The following MTHFD1 variants were observed in gnomAD, a reference collection of about 807,000 sequenced individuals.
MTHFD1 encodes the protein methylenetetrahydrofolate dehydrogenase, cyclohydrolase and formyltetrahydrofolate synthetase 1.
MTHFD1 carries 44 observed loss-of-function variants against 110.3 expected under a neutral mutation model. The ratio of observed to expected loss-of-function variants is 0.40; its 90% CI spans 0.31 to 0.51. The LOEUF is 0.51. Among genes scored for constraint, MTHFD1 ranks in the 20% least tolerant of loss-of-function variants. The pLI is 0.60. For missense variants in MTHFD1, 909 were observed against 1,173.1 expected (o/e 0.77, Z 3.29); for synonymous variants, 402 against 428.8 (o/e 0.94, Z 0.77).
intron 7 of MTHFD1, among the ~76,000 whole-genome samples, chr14:64,418,902 T>G (rs897716315): frequency 6.6e-6 from 1 of 151,774 alleles, no homozygotes; most frequent in African/African-American, 2.4e-5. Context: ...TTATTTAGGC[T>G]AGAGTGCAGT....
intron 12 of MTHFD1, among the ~76,000 whole-genome samples, chr14:64,428,380 T>G (rs1407539610): frequency 6.6e-6 from 1 of 151,814 alleles, no homozygotes; most frequent in East Asian, 1.9e-4. Context: ...CCTTCCAAAC[T>G]GGTAGGACTA....
chr14:64,396,744 T>C (rs530801346), intron 1 of MTHFD1, among the ~76,000 whole-genome samples: 53 of 151,668 alleles, frequency 3.5e-4, no homozygotes, highest in Middle Eastern at 3.4e-3. Flanking sequence ...ACAAATGAAA[T>C]AAATCAACAA....
intron 2 of MTHFD1, among the ~76,000 whole-genome samples, chr14:64,407,124 A>C (rs2077941808): frequency 6.6e-6 from 1 of 152,218 alleles, no homozygotes; most frequent in African/African-American, 2.4e-5. Context: ...GTAACTTCCC[A>C]AATAACTGAA....
At position 64,427,422 on chromosome 14, in the gene MTHFD1, G is replaced by A. The variant is rs2078126648; in HGVS notation, c.1213G>A (p.Val405Ile). Residue 405 changes from valine (V) to isoleucine (I), a missense_variant, in exon 12 of 28, where the codon GTC becomes ATC. Coordinates refer to ENST00000652337, the MANE Select transcript of MTHFD1 (RefSeq NM_005956.4). ...QALGAHLYQN[V>I]FACVRQPSQG... ...CCTTGGTGCCCATCTCTACCAGAAT[G>A]TCTTTGCGTGTGTGCGACAGCCTTC... 6.2e-7 allele frequency: 1 copy of A among 1,614,098 alleles called. No individual in the cohort carries two copies. The highest frequency in any genetic ancestry group is 1.7e-5 in the Admixed American group (1 of 60,002).
intron 23 of MTHFD1, 156 bp downstream of exon 23, chr14:64,448,473 T>C (rs1260716291): frequency 4.4e-6 from 3 of 686,968 alleles, no homozygotes; most frequent in African/African-American, 3.5e-5. Context: ...CATACGTCAC[T>C]GCGGGCTCAC....
chr14:64,398,906 T>G (rs1163116899), intron 1 of MTHFD1, among the ~76,000 whole-genome samples: 4 of 152,232 alleles, frequency 2.6e-5, no homozygotes, highest in Non-Finnish European at 5.9e-5. Context: ...GACATCCTAG[T>G]GTATTGTTGA....
At chr14:64,414,892 T>C (rs2078013783) in intron 4 of MTHFD1, among the ~76,000 whole-genome samples, 1 of 152,090 alleles carries the variant, frequency 6.6e-6, no homozygotes, top group Non-Finnish European at 1.5e-5. Context: ...TTTCACTATG[T>C]TGGCCCAGCT....
chr14:64,431,542 A>G lies in MTHFD1; in HGVS notation c.1322A>G (p.His441Arg). Reference protein sequence around the residue: ...QVIPMEEFNLHLTGDIHAITA... With the variant: ...QVIPMEEFNLRLTGDIHAITA... ...TCTGTTCTTTTGTAGTTTAATCTCC[A>G]CCTCACAGGTGACATCCATGCCATC... Residue 441 changes from histidine (H) to arginine (R), a missense_variant, in exon 14 of 28, where the codon CAC (histidine) becomes CGC (arginine). His to Arg is a conservative substitution (Grantham distance 29). This residue lies in a region of MTHFD1 where 482 missense variants were observed against 646.0 expected (regional missense o/e 0.75). Transcript: ENST00000652337. The G allele has an allele frequency of 1.2e-6, 2 of 1,613,850 alleles. No individual in the cohort carries two copies. Among genetic ancestry groups the G allele is most frequent in the Non-Finnish European group, 1.7e-6 (2 of 1,179,816 alleles).
intron 6 of MTHFD1, 28 bp downstream of exon 6, chr14:64,415,767 A>G (rs762827473): frequency 6.2e-7 from 1 of 1,608,792 alleles, no homozygotes; most frequent in East Asian, 2.2e-5. Flanking sequence ...AACAACAAGA[A>G]AGCACCATTT....
intron 18 of MTHFD1, 33 bp from the exon 19 acceptor site, chr14:64,441,352 T>C (rs1292451331): frequency 1.2e-6 from 2 of 1,607,802 alleles, no homozygotes; most frequent in Admixed American, 3.3e-5. Flanking sequence ...TTTTTGCTGG[T>C]GGGAGTTGAT....
intron 24 of MTHFD1, among the ~76,000 whole-genome samples, chr14:64,452,410 C>T (rs1286852394): frequency 6.6e-6 from 1 of 152,214 alleles, no homozygotes; most frequent in Non-Finnish European, 1.5e-5. Context: ...AGCTTTGCTT[C>T]TGATTTCCTT....
At chr14:64,407,794 C>T (rs890500119) in intron 2 of MTHFD1, among the ~76,000 whole-genome samples, 29 of 152,006 alleles carry the variant, frequency 1.9e-4, no homozygotes, top group African/African-American at 6.8e-4. Flanking sequence ...GCAATCCACA[C>T]ACCTTGACCT....
chr14:64,449,745 G>T lies in MTHFD1; in HGVS notation c.2457+123G>T, dbSNP rs899481515. ...TTCAGCCTTGCGGTTTGATTCCCACGTAGGTGACTTACACAACCACAGCCT... is the reference window on the plus strand; with the variant it reads ...TTCAGCCTTGCGGTTTGATTCCCACTTAGGTGACTTACACAACCACAGCCT... On this transcript the variant is annotated intron_variant, in intron 24 of 27. Coordinates refer to ENST00000652337, the MANE Select transcript of MTHFD1 (RefSeq NM_005956.4). 7 of 1,152,260 alleles carry T rather than the reference G, an allele frequency of 6.1e-6. No homozygotes were observed. In the South Asian group the frequency reaches 7.9e-5, roughly 13 times the overall value. 71.4% of individuals were successfully genotyped at this position (1,152,260 alleles called of 1,614,324 possible).
intron 11 of MTHFD1, 114 bp from the exon 12 acceptor site, chr14:64,427,223 G>A (rs1028755428): frequency 1.6e-6 from 2 of 1,276,882 alleles, no homozygotes; most frequent in Non-Finnish European, 2.2e-6. Context: ...GCCTGACTTT[G>A]TCTTTCTTAA....
intron 1 of MTHFD1, chr14:64,388,777 C>G: frequency 1.8e-6 from 1 of 551,244 alleles, no homozygotes; most frequent in Non-Finnish European, 3.3e-6. Context: ...CCTGGAGCCC[C>G]CCTAGTCAGA....
chr14:64,427,926 G>A (rs1275464523), intron 12 of MTHFD1, among the ~76,000 whole-genome samples: 2 of 151,990 alleles, frequency 1.3e-5, no homozygotes, highest in African/African-American at 4.8e-5. Context: ...CATCCAGTAC[G>A]AGATAGTATT....
chr14:64,441,747 G>A, intron 19 of MTHFD1: 1 of 545,862 alleles, frequency 1.8e-6, no homozygotes, highest in Non-Finnish European at 3.3e-6. Flanking sequence ...AGCTTGCAGT[G>A]AGCCGAGATC....
chr14:64,408,206 A>AT (rs1047031134), intron 2 of MTHFD1, among the ~76,000 whole-genome samples: 31 of 152,102 alleles, frequency 2.0e-4, no homozygotes, highest in African/African-American at 7.2e-4. Flanking sequence ...ATAAAAAAAA[A>AT]GTGTCCCTAA....
chr14:64,454,765 T>C lies in MTHFD1; in HGVS notation c.2608T>C (p.Ser870Pro), dbSNP rs1282868454. Residue 870 changes from serine (S) to proline (P), a missense_variant, in exon 26 of 28, where the codon TCT becomes CCT. Physicochemically the swap from Ser to Pro is moderately conservative, Grantham distance 74. Around this residue, in one of 3 missense-constraint regions of MTHFD1, gnomAD observed 482 missense variants for 646.0 expected, o/e 0.75. Transcript: ENST00000652337. ...LPICMAKTHL[S>P]LSHNPEQKGV... ...CATCTGCATGGCTAAAACACACTTG[T>C]CTTTGTCTCACAACCCAGAGCAAAA... is the stretch of plus-strand genomic sequence containing the variant. The C allele has an allele frequency of 1.2e-6, 2 of 1,614,032 alleles. No individual in the cohort carries two copies. Among genetic ancestry groups the C allele is most frequent in the Non-Finnish European group, 1.7e-6 (2 of 1,179,884 alleles).
Sources: gnomAD v4.1 joint callset for allele counts (sites outside exome capture counted in the v4.1 genomes callset) on GRCh38, gnomAD v4.1.1 for gene constraint, gnomAD v4.1.1 regional missense constraint, MANE v1.5 for transcripts, NCBI Gene and HGNC (gene_info 2026-07-23, HGNC 2026-07-21) for gene names.